The following EIF3H variants were observed in gnomAD, a reference collection of about 807,000 sequenced individuals.
EIF3H encodes the protein eukaryotic translation initiation factor 3 subunit H.
A neutral mutation model predicts 44.2 loss-of-function variants in EIF3H; 26 were observed. The ratio of observed to expected loss-of-function variants is 0.59; its 90% CI spans 0.43 to 0.82. The LOEUF (loss-of-function observed/expected upper bound fraction) is 0.82, where lower values mean the gene tolerates loss of function less well. EIF3H is among the 40% of genes least tolerant of loss of function. The probability of loss-of-function intolerance (pLI) is 0.00; values close to 1 mark genes in which losing one functional copy is unlikely to be tolerated. For missense variants in EIF3H, 359 were observed against 432.8 expected (o/e 0.83, Z 1.51); for synonymous variants, 166 against 151.9 (o/e 1.09, Z -0.68).
At chr8:116,755,620 G>T in intron 1 of EIF3H, 46 bp downstream of exon 1, 1 of 1,611,602 alleles carries the variant, frequency 6.2e-7, no homozygotes, top group Non-Finnish European at 8.5e-7. Context: ...ACGGGGCTGG[G>T]AACTGCGCTC....
At chr8:116,708,625 G>GTT (rs1814511939) in intron 2 of EIF3H, among the ~76,000 whole-genome samples, 1 of 152,026 alleles carries the variant, frequency 6.6e-6, no homozygotes, top group African/African-American at 2.4e-5. Flanking sequence ...CATTCACTAT[G>GTT]GGTAAAGTAG....
At chr8:116,646,381 G>A (rs1813299026) in intron 7 of EIF3H, 90 bp downstream of exon 7, 4 of 1,567,572 alleles carry the variant, frequency 2.6e-6, no homozygotes, top group South Asian at 1.1e-5. Flanking sequence ...TAGCTTTTAC[G>A]GCATGCTTTT....
chr8:116,731,536 G>A (rs1001272257), intron 1 of EIF3H, among the ~76,000 whole-genome samples: 1 of 151,668 alleles, frequency 6.6e-6, no homozygotes, highest in South Asian at 2.1e-4. Context: ...AAGACTTCGT[G>A]GGTTGCTGAA....
upstream of EIF3H, among the ~76,000 whole-genome samples, chr8:116,757,214 T>C (rs915228626): frequency 7.2e-5 from 11 of 152,276 alleles, no homozygotes; most frequent in African/African-American, 2.2e-4. Context: ...TATTTTCATC[T>C]GTCCTGAGAC....
chr8:116,669,145 C>G (rs189380393), intron 2 of EIF3H, among the ~76,000 whole-genome samples: 1 of 152,056 alleles, frequency 6.6e-6, no homozygotes, highest in Non-Finnish European at 1.5e-5. Context: ...AAAAAACAAT[C>G]TACCATGAGA....
At chr8:116,659,491 C>T (rs1021736385) in intron 2 of EIF3H, among the ~76,000 whole-genome samples, 5 of 152,172 alleles carry the variant, frequency 3.3e-5, no homozygotes, top group African/African-American at 1.2e-4. Flanking sequence ...AGGATACAGG[C>T]TGTAGCTGAT....
At chr8:116,736,698 C>A (rs568770062) in intron 1 of EIF3H, among the ~76,000 whole-genome samples, 1 of 151,990 alleles carries the variant, frequency 6.6e-6, no homozygotes, top group South Asian at 2.1e-4. Flanking sequence ...TGTATAAATA[C>A]CTTAACTGAA....
At chr8:116,739,943 A>G (rs978473057) in intron 1 of EIF3H, among the ~76,000 whole-genome samples, 5 of 152,152 alleles carry the variant, frequency 3.3e-5, no homozygotes, top group Non-Finnish European at 7.4e-5. Flanking sequence ...ACAGACCAAC[A>G]CTTTAGTAAA....
intron 2 of EIF3H, 55 bp from the exon 3 acceptor site, chr8:116,659,035 A>C: frequency 6.8e-7 from 1 of 1,475,610 alleles, no homozygotes; most frequent in South Asian, 1.3e-5. Context: ...GATGTTACCA[A>C]CATCAAAAAC....
At chr8:116,766,358 T>G, upstream of EIF3H, 2 of 419,730 alleles carry the variant, frequency 4.8e-6, no homozygotes, top group South Asian at 4.3e-5. Context: ...ACCCCAGCGG[T>G]TTTCCAGCGT....
chr8:116,752,786 AGGGAG>A (rs1563663248), intron 1 of EIF3H, among the ~76,000 whole-genome samples: 4,764 of 63,392 alleles, frequency 0.075, 465 homozygotes, highest in South Asian at 0.13. Context: ...GGAGGGAGGG[AGGGAG>A]GGAGGGAAGG....
intron 2 of EIF3H, among the ~76,000 whole-genome samples, chr8:116,722,162 G>T (rs1293765887): frequency 6.6e-6 from 1 of 152,060 alleles, no homozygotes; most frequent in Admixed American, 6.5e-5. Context: ...GGGAGCAGTT[G>T]CCCCCATACT....
At chr8:116,762,921 G>A (rs1238457034) in intron 1 of EIF3H, among the ~76,000 whole-genome samples, 3 of 152,108 alleles carry the variant, frequency 2.0e-5, no homozygotes, top group African/African-American at 7.2e-5. Context: ...TCCACCATAG[G>A]CAACAGAGCG....
rs970671403 is a variant in EIF3H at position 116,644,072 on chromosome 8, G to A, written c.*934C>T. ...ATAAACAAAATGAAGTTTACTTGTG[G>A]TGGCATGATTCTTTTCTTTAAAATT... On this transcript the variant is annotated 3_prime_UTR_variant, in exon 8 of 8. Coordinates refer to ENST00000521861, the MANE Select transcript of EIF3H (RefSeq NM_003756.3). 2.0e-5 allele frequency: 3 copies of A among 152,120 alleles called. No homozygotes were observed. The highest frequency in any genetic ancestry group is 4.8e-5 in the African/African-American group (2 of 41,428). 9.4% of individuals were successfully genotyped at this position (152,120 alleles called of 1,614,324 possible).
At chr8:116,755,142 T>TCC (rs2130999213) in intron 1 of EIF3H, among the ~76,000 whole-genome samples, 1 of 152,360 alleles carries the variant, frequency 6.6e-6, no homozygotes, top group East Asian at 1.9e-4. Flanking sequence ...TGATATTCTT[T>TCC]TATGTTTTTC....
At chr8:116,725,269 G>T (rs531542247) in intron 2 of EIF3H, among the ~76,000 whole-genome samples, 1 of 152,200 alleles carries the variant, frequency 6.6e-6, no homozygotes, top group African/African-American at 2.4e-5. Context: ...TGGTTGCGGG[G>T]ATGAAAGAGG....
chr8:116,727,708 T>C (rs2130929813), intron 1 of EIF3H, among the ~76,000 whole-genome samples: 1 of 152,370 alleles, frequency 6.6e-6, no homozygotes, highest in African/African-American at 2.4e-5. Context: ...CTGCATTTAA[T>C]GTCTTGAACA....
rs1231239105 is a variant in EIF3H at position 116,653,302 on chromosome 8, T to C, written c.707+2554A>G. Among the ~76,000 whole-genome samples the C allele has an allele frequency of 2.7e-5, 4 of 148,796 alleles. No individual in the cohort carries two copies. The East Asian group carries it at 8.3e-4, about 31-fold the overall frequency. On this transcript the variant is annotated intron_variant, in intron 5 of 7. Coordinates refer to ENST00000521861, the MANE Select transcript of EIF3H (RefSeq NM_003756.3). Reference sequence around the variant, plus strand: ...AAATATGTGGACTTTAAGCATTTCATAACTTTTATATTATGATAATGCTCT... The same window carrying C: ...AAATATGTGGACTTTAAGCATTTCACAACTTTTATATTATGATAATGCTCT...
At chr8:116,659,565 T>TA (rs1586436545) in intron 2 of EIF3H, among the ~76,000 whole-genome samples, 2 of 152,160 alleles carry the variant, frequency 1.3e-5, no homozygotes, top group African/African-American at 2.4e-5. Context: ...CTAAATTTTT[T>TA]AAAGAATTAT....
Sources: allele counts gnomAD v4.1 joint callset (sites outside exome capture counted in the v4.1 genomes callset), GRCh38; gene constraint gnomAD v4.1.1; transcripts MANE v1.5; gene names NCBI Gene and HGNC (gene_info 2026-07-23, HGNC 2026-07-21).